The following APBA2 variants were observed in gnomAD, a reference collection of about 807,000 sequenced individuals.
The protein encoded by APBA2 is amyloid-beta A4 precursor protein-binding family A member 2.
APBA2 carries 30 observed loss-of-function variants against 75.0 expected under a neutral mutation model. That is an observed-to-expected ratio of 0.40 (90% CI 0.30 to 0.54). The LOEUF (loss-of-function observed/expected upper bound fraction) is 0.54. APBA2 is among the 20% of genes least tolerant of loss of function. The pLI, the probability that APBA2 is intolerant of heterozygous loss-of-function variation, is 0.49. For synonymous variants in APBA2, 444 were observed against 409.6 expected (o/e 1.08, Z -1.01); for missense variants, 801 against 1,016.1 (o/e 0.79, Z 2.88).
chr15:28,949,298 T>G (rs1194119402), intron 2 of APBA2, among the ~76,000 whole-genome samples: 1 of 152,164 alleles, frequency 6.6e-6, no homozygotes, highest in Non-Finnish European at 1.5e-5. Flanking sequence ...GGAGCAGAGC[T>G]TCCAGAAGAC....
At chr15:29,007,295 A>G (rs1282875969) in intron 3 of APBA2, among the ~76,000 whole-genome samples, 1 of 152,250 alleles carries the variant, frequency 6.6e-6, no homozygotes, top group Non-Finnish European at 1.5e-5. Flanking sequence ...AGAAGAAAAC[A>G]GGTGCACAAC....
intron 9 of APBA2, among the ~76,000 whole-genome samples, chr15:29,100,041 G>C (rs1334328735): frequency 6.6e-6 from 1 of 152,180 alleles, no homozygotes; most frequent in Non-Finnish European, 1.5e-5. Flanking sequence ...GGGCAGAGGA[G>C]CTGGAGAGGA....
chr15:28,976,674 G>A (rs575854117), intron 2 of APBA2, among the ~76,000 whole-genome samples: 2 of 152,312 alleles, frequency 1.3e-5, no homozygotes, highest in African/African-American at 2.4e-5. Context: ...GGATAAACCT[G>A]TATTTCATCA....
chr15:29,004,163 T>C (rs1376644318), intron 3 of APBA2, among the ~76,000 whole-genome samples: 1 of 152,166 alleles, frequency 6.6e-6, no homozygotes, highest in Non-Finnish European at 1.5e-5. Flanking sequence ...CTTAGAGACT[T>C]GGGATATGTC....
Position 28,976,362 on chromosome 15 carries a change from G to T in APBA2, c.-94-19391G>T, listed in dbSNP as rs147730363. The stretch of plus-strand genomic sequence containing the variant: ...CTTACTTCTGTGGTTGGGAGTGACA[G>T]AACAGTGTTAAGCAGAAGCAGTTAT... On this transcript the variant is annotated intron_variant, in intron 2 of 14. Transcript: ENST00000683413. 3.9e-5 allele frequency among the ~76,000 whole-genome samples: 6 copies of T among 152,336 alleles called. 1 individual carries two copies. The highest frequency in any genetic ancestry group is 1.4e-4 in the African/African-American group (6 of 41,582).
Position 29,054,101 on chromosome 15 carries a change from A to G in APBA2, c.217A>G (p.Ser73Gly). 6.2e-7 allele frequency: 1 copy of G among 1,614,150 alleles called. No individual in the cohort carries two copies. The change falls in exon 4 of 15, where the codon AGC becomes GGC. Residue 73 changes from serine to glycine, a missense_variant. By Grantham distance (56) the Ser-to-Gly change is moderately conservative. Transcript: ENST00000683413. This position sits in a 1 kb window ranked among gnomAD's most constrained non-coding sequence, Gnocchi z 6.1. ...CHNHSPDGDS[S>G]SDYVNNTSEE... is the part of the protein sequence containing the mutation. ...CAACCACAGCCCCGATGGGGACTCC[A>G]GCTCTGACTACGTGAACAACACCTC...
At chr15:29,040,857 A>G (rs868058769) in intron 3 of APBA2, among the ~76,000 whole-genome samples, 33 of 152,208 alleles carry the variant, frequency 2.2e-4, no homozygotes, top group African/African-American at 7.2e-4. Context: ...AATATTTTTT[A>G]AATGACCCAG....
intron 2 of APBA2, among the ~76,000 whole-genome samples, chr15:28,959,052 G>C (rs369862692): frequency 2.0e-5 from 3 of 151,946 alleles, no homozygotes; most frequent in East Asian, 1.9e-4. Flanking sequence ...GCAGTGGTGC[G>C]ACCTTGGTTC....
intron 4 of APBA2, among the ~76,000 whole-genome samples, chr15:29,062,043 G>C (rs1482375748): frequency 1.3e-5 from 2 of 152,132 alleles, no homozygotes; most frequent in African/African-American, 2.4e-5. Context: ...CCCACAGTAG[G>C]ATGGAACTTG....
chr15:29,057,567 C>T (rs570918614), intron 4 of APBA2, among the ~76,000 whole-genome samples: 55 of 152,282 alleles, frequency 3.6e-4, no homozygotes, highest in Non-Finnish European at 6.3e-4. Flanking sequence ...AAATGATGTA[C>T]GTAGCTGTCA....
intron 1 of APBA2, among the ~76,000 whole-genome samples, chr15:28,898,452 C>A (rs1298451307): frequency 6.6e-6 from 1 of 152,076 alleles, no homozygotes; most frequent in Admixed American, 6.6e-5. Flanking sequence ...GGGCTTGCCA[C>A]GTAACGTTGA....
At chr15:29,064,922 G>A (rs979393302) in intron 4 of APBA2, among the ~76,000 whole-genome samples, 2 of 152,212 alleles carry the variant, frequency 1.3e-5, no homozygotes, top group Non-Finnish European at 2.9e-5. Flanking sequence ...GGAAGGCAGA[G>A]GCATGGGAAT....
At chr15:28,886,310 C>CCGG (rs2152590120) in intron 1 of APBA2, 32 bp downstream of exon 1, 1 of 150,858 alleles carries the variant, frequency 6.6e-6, no homozygotes, top group African/African-American at 2.4e-5. Context: ...GCCTGACTTG[C>CCGG]CGGCGGCGGC....
intron 2 of APBA2, chr15:28,970,199 C>T (rs1022224211): frequency 5.3e-5 from 8 of 151,988 alleles, no homozygotes; most frequent in African/African-American, 1.5e-4. Flanking sequence ...GTGTGGTTTC[C>T]GAATCCGCTG....
At chr15:28,937,087 G>A (rs1054409623) in intron 2 of APBA2, among the ~76,000 whole-genome samples, 15 of 152,144 alleles carry the variant, frequency 9.9e-5, no homozygotes, top group African/African-American at 3.6e-4. Context: ...GTATGCCTCC[G>A]CTCTCTCACG....
chr15:28,999,040 C>G (rs1246071765), intron 3 of APBA2, among the ~76,000 whole-genome samples: 2 of 151,664 alleles, frequency 1.3e-5, no homozygotes, highest in African/African-American at 2.4e-5. Flanking sequence ...CCCAGCTACT[C>G]GGGAGGCTGA....
intron 8 of APBA2, among the ~76,000 whole-genome samples, chr15:29,097,560 A>G (rs955165270): frequency 2.6e-5 from 4 of 152,228 alleles, no homozygotes; most frequent in Non-Finnish European, 5.9e-5. Context: ...ATAAAATTGT[A>G]TGTATTTGTT....
intron 12 of APBA2, among the ~76,000 whole-genome samples, chr15:29,107,845 G>A (rs920065145): frequency 6.6e-6 from 1 of 152,222 alleles, no homozygotes; most frequent in Non-Finnish European, 1.5e-5. Flanking sequence ...TCCTTGGAGG[G>A]CATTGGGTTT....
chr15:29,050,442 G>A (rs2041541830), intron 3 of APBA2, among the ~76,000 whole-genome samples: 2 of 152,204 alleles, frequency 1.3e-5, no homozygotes, highest in Non-Finnish European at 2.9e-5. Context: ...GCAGTGGTAA[G>A]TTATGAATTG....
Sources: allele counts gnomAD v4.1 joint callset (sites outside exome capture counted in the v4.1 genomes callset), GRCh38; gene constraint gnomAD v4.1.1; non-coding constraint Gnocchi (gnomAD v3.1); transcripts MANE v1.5; gene names NCBI Gene and HGNC (gene_info 2026-07-23, HGNC 2026-07-21).